Variants in CYFIP2 observed in about 807,000 individuals in gnomAD.
CYFIP2 encodes cytoplasmic FMR1 interacting protein 2, also known as cytoplasmic FMR1-interacting protein 2.
In CYFIP2, 29 loss-of-function variants were observed where a neutral mutation model predicts 158.7. The ratio of observed to expected loss-of-function variants is 0.18; its 90% CI spans 0.14 to 0.25. The LOEUF (loss-of-function observed/expected upper bound fraction) is 0.25. Ranked by LOEUF, CYFIP2 falls within the 10% of genes least tolerant of loss-of-function variation. CYFIP2 has a pLI of 1.00. For synonymous variants in CYFIP2, 585 were observed against 617.6 expected (o/e 0.95, Z 0.78); for missense variants, 852 against 1,639.5 (o/e 0.52, Z 8.29).
In CYFIP2 at chr5:157,296,667, C is replaced by T. The variant is rs75947678; in HGVS notation, c.286-6C>T. The T allele has an allele frequency of 1.5e-3, 2,388 of 1,612,468 alleles. 34 individuals are homozygous for T. The African/African-American group carries it at 0.029, about 19-fold the overall frequency. On this transcript the variant is annotated splice_polypyrimidine_tract_variant and splice_region_variant and intron_variant, in intron 4 of 30. Transcript: ENST00000620254. ...AGGATGTGTGTGTCCCCATTATCCC[C>T]CACAGGTGAAATGCAACGAGCAGCC... is the stretch of plus-strand genomic sequence containing the variant.
Position 157,341,316 on chromosome 5 carries a change from C to T in CYFIP2, c.2673+159C>T, listed in dbSNP as rs191121029. Among the ~76,000 whole-genome samples, 119 of 152,064 alleles carry T rather than the reference C, an allele frequency of 7.8e-4. 1 individual carries two copies. The highest frequency in any genetic ancestry group is 2.6e-3 in the African/African-American group (106 of 41,474). On this transcript the variant is annotated intron_variant, in intron 23 of 30. Coordinates refer to ENST00000620254, the MANE Select transcript of CYFIP2 (RefSeq NM_001037333.3). ...CTTTAATCCCAGCACTTCAGGAGAC[C>T]GAGACCAGTGGATACTTCAGGCCAG...
intron 11 of CYFIP2, among the ~76,000 whole-genome samples, chr5:157,312,327 C>T (rs930272152): frequency 6.9e-6 from 1 of 144,874 alleles, no homozygotes; most frequent in Non-Finnish European, 1.5e-5. Context: ...TTTTTAAAAA[C>T]TTTTTTTTTT....
chr5:157,313,874 A>G lies in CYFIP2; in HGVS notation c.1111-470A>G, dbSNP rs139818361. On this transcript the variant is annotated intron_variant, in intron 11 of 30. Transcript: ENST00000620254. ...TAGTGTTTGTGATTAGCATTTTTAT[A>G]TAAATATAGACTAGAAAATCAGAAG... Among the ~76,000 whole-genome samples, 59 of 152,306 alleles carry G rather than the reference A, an allele frequency of 3.9e-4. 1 individual carries two copies. The highest frequency in any genetic ancestry group is 1.3e-3 in the African/African-American group (56 of 41,562).
chr5:157,280,310 C>T (rs549805602), intron 1 of CYFIP2, among the ~76,000 whole-genome samples: 2 of 151,882 alleles, frequency 1.3e-5, no homozygotes, highest in South Asian at 4.2e-4. Context: ...GATTTTCCTG[C>T]CTCAGTCTCC....
At chr5:157,364,854 A>AATGGCC (rs1278918314) in intron 26 of CYFIP2, 1 of 152,210 alleles carries the variant, frequency 6.6e-6, no homozygotes, top group Non-Finnish European at 1.5e-5. Flanking sequence ...AAAGATGCCT[A>AATGGCC]ATGGCCATCA....
At chr5:157,382,363 G>A (rs957239719) in intron 26 of CYFIP2, among the ~76,000 whole-genome samples, 3 of 152,106 alleles carry the variant, frequency 2.0e-5, no homozygotes, top group South Asian at 4.1e-4. Context: ...GCATTTTCTC[G>A]TTTGATCCTC....
intron 23 of CYFIP2, among the ~76,000 whole-genome samples, chr5:157,354,021 A>T (rs1020261754): frequency 6.6e-6 from 1 of 152,226 alleles, no homozygotes; most frequent in Admixed American, 6.5e-5. Context: ...TTTTATTTGT[A>T]TATTTTGCCA....
At chr5:157,370,804 A>T (rs1764926145) in intron 26 of CYFIP2, among the ~76,000 whole-genome samples, 1 of 152,240 alleles carries the variant, frequency 6.6e-6, no homozygotes, top group African/African-American at 2.4e-5. Context: ...AGTTGACCAG[A>T]CATGATTCTG....
At chr5:157,374,658 T>C (rs1765295110) in intron 26 of CYFIP2, among the ~76,000 whole-genome samples, 1 of 152,172 alleles carries the variant, frequency 6.6e-6, no homozygotes, top group Non-Finnish European at 1.5e-5. Flanking sequence ...CCTGGTCAGA[T>C]GCACAGTCCT....
intron 26 of CYFIP2, chr5:157,363,636 G>A (rs1458273916): frequency 6.5e-6 from 1 of 152,780 alleles, no homozygotes; most frequent in African/African-American, 2.4e-5. Context: ...CAGGCAGCAG[G>A]TCACTGGGGC....
intron 1 of CYFIP2, among the ~76,000 whole-genome samples, chr5:157,277,658 A>G (rs1033889012): frequency 6.6e-6 from 1 of 152,176 alleles, no homozygotes; most frequent in Non-Finnish European, 1.5e-5. Context: ...GTTTTATTTC[A>G]TGGGCAAACT....
At chr5:157,392,555 CTCTAT>C (rs1429892665) in intron 30 of CYFIP2, among the ~76,000 whole-genome samples, 2 of 152,166 alleles carry the variant, frequency 1.3e-5, no homozygotes, top group African/African-American at 2.4e-5. Flanking sequence ...TTTCTGGGCT[CTCTAT>C]TCTGTTTTAT....
rs565204199 is a variant in CYFIP2 at position 157,335,732 on chromosome 5, G to C, written c.2385+2286G>C. 7.9e-5 allele frequency among the ~76,000 whole-genome samples: 12 copies of C among 152,202 alleles called. No individual in the cohort carries two copies. In the East Asian group the frequency reaches 2.3e-3, roughly 29 times the overall value. ...CACACATTTTTCTGAGAAATCATTT[G>C]GTCACCTCTATTTTGAGAAACAGAG... On this transcript the variant is annotated intron_variant, in intron 21 of 30. Transcript: ENST00000620254.
intron 3 of CYFIP2, among the ~76,000 whole-genome samples, chr5:157,291,572 T>A (rs1757818326): frequency 6.6e-6 from 1 of 152,266 alleles, no homozygotes; most frequent in Non-Finnish European, 1.5e-5. Flanking sequence ...AGGTTGGTGC[T>A]ACAAGTAGAC....
intron 8 of CYFIP2, among the ~76,000 whole-genome samples, chr5:157,306,986 G>T (rs769413666): frequency 3.3e-5 from 5 of 151,778 alleles, no homozygotes; most frequent in Non-Finnish European, 7.4e-5. Flanking sequence ...AGAAATAGAG[G>T]AATGGAGAGA....
At chr5:157,383,384 G>T in intron 28 of CYFIP2, 25 bp downstream of exon 28, 1 of 1,596,250 alleles carries the variant, frequency 6.3e-7, no homozygotes. Flanking sequence ...TAATAAATGG[G>T]CTCTGATCAC....
At chr5:157,389,539 C>A in intron 29 of CYFIP2, 112 bp downstream of exon 29, 1 of 946,348 alleles carries the variant, frequency 1.1e-6, no homozygotes, top group Non-Finnish European at 1.5e-6. Flanking sequence ...GGGTGGTTGG[C>A]CAACAACTAC....
At chr5:157,351,924 A>C (rs879751196) in intron 23 of CYFIP2, among the ~76,000 whole-genome samples, 3 of 152,170 alleles carry the variant, frequency 2.0e-5, no homozygotes, top group Non-Finnish European at 4.4e-5. Flanking sequence ...TATGACCAGC[A>C]AGTGTTTCCT....
At chr5:157,297,829 A>G (rs529930574) in intron 5 of CYFIP2, among the ~76,000 whole-genome samples, 83 of 152,306 alleles carry the variant, frequency 5.4e-4, no homozygotes, top group African/African-American at 2.0e-3. Context: ...AGGTAGGTTG[A>G]AAAAAAATAA....
Sources: allele counts gnomAD v4.1 joint callset (sites outside exome capture counted in the v4.1 genomes callset), GRCh38; gene constraint gnomAD v4.1.1; transcripts MANE v1.5; gene names NCBI Gene and HGNC (gene_info 2026-07-23, HGNC 2026-07-21).